The following SATB2 variants were observed in gnomAD, a reference collection of about 807,000 sequenced individuals.
SATB2 encodes DNA-binding protein SATB2.
SATB2 carries 1 observed loss-of-function variant against 73.4 expected under a neutral mutation model. That is an observed-to-expected ratio of 0.01 (90% confidence interval 0.00 to 0.06). The LOEUF (loss-of-function observed/expected upper bound fraction) is 0.06. Among genes scored for constraint, SATB2 ranks in the 10% least tolerant of loss-of-function variants. The pLI, the probability that SATB2 is intolerant of heterozygous loss-of-function variation, is 1.00. For synonymous variants in SATB2, 397 were observed against 367.0 expected (o/e 1.08, Z -0.93); for missense variants, 459 against 945.8 (o/e 0.49, Z 6.75).
chr2:199,322,548 AAGTC>A (rs1407439449), intron 9 of SATB2, among the ~76,000 whole-genome samples: 1 of 152,190 alleles, frequency 6.6e-6, no homozygotes. Flanking sequence ...TGAAGAGAGA[AAGTC>A]AGAGTAATCT....
intron 10 of SATB2, among the ~76,000 whole-genome samples, chr2:199,293,099 C>G (rs1692920784): frequency 6.6e-6 from 1 of 152,042 alleles, no homozygotes; most frequent in Non-Finnish European, 1.5e-5. Flanking sequence ...AATATTGTCC[C>G]CTAATTTTTT....
intron 3 of SATB2, among the ~76,000 whole-genome samples, chr2:199,407,858 A>C (rs2105899423): frequency 6.6e-6 from 1 of 152,270 alleles, no homozygotes; most frequent in East Asian, 1.9e-4. Flanking sequence ...CTGATGGTAA[A>C]AATAAATAAA....
intron 10 of SATB2, among the ~76,000 whole-genome samples, chr2:199,304,129 G>C (rs1447501304): frequency 2.0e-5 from 3 of 152,136 alleles, no homozygotes; most frequent in South Asian, 2.1e-4. Context: ...CATTCCGCTG[G>C]CAACCCTGGC....
chr2:199,449,702 A>G (rs1692069701), intron 2 of SATB2, among the ~76,000 whole-genome samples: 1 of 152,168 alleles, frequency 6.6e-6, no homozygotes, highest in South Asian at 2.1e-4. Context: ...ATTACATTTA[A>G]GTAGTAGGAT....
intron 9 of SATB2, among the ~76,000 whole-genome samples, chr2:199,320,844 G>C (rs7596049): frequency 0.78 from 119,096 of 152,010 alleles, 48,018 homozygotes; most frequent in South Asian, 0.91. Context: ...AGAAATTATT[G>C]TTAACAGCTG....
At chr2:199,461,049 C>T (rs1324138918), upstream of SATB2, among the ~76,000 whole-genome samples, 1 of 152,148 alleles carries the variant, frequency 6.6e-6, no homozygotes, top group African/African-American at 2.4e-5. Context: ...TTTAAAGTTG[C>T]ATTAAACTTA....
At chr2:199,363,992 A>T (rs948077894) in intron 6 of SATB2, among the ~76,000 whole-genome samples, 1 of 152,178 alleles carries the variant, frequency 6.6e-6, no homozygotes, top group Non-Finnish European at 1.5e-5. Flanking sequence ...ACCTCATCAG[A>T]GTTAAACAAC....
intron 2 of SATB2, among the ~76,000 whole-genome samples, chr2:199,451,801 A>G (rs1453919784): frequency 2.0e-5 from 3 of 152,082 alleles, no homozygotes; most frequent in African/African-American, 7.2e-5. Context: ...CCTGACTAAC[A>G]ATCTTGATCA....
At chr2:199,335,124 T>C (rs529672518) in intron 7 of SATB2, among the ~76,000 whole-genome samples, 2 of 152,248 alleles carry the variant, frequency 1.3e-5, no homozygotes, top group Non-Finnish European at 2.9e-5. Flanking sequence ...CAATGACAAT[T>C]TGATTTTTAT....
chr2:199,355,099 T>C (rs1008237988), intron 6 of SATB2, among the ~76,000 whole-genome samples: 3 of 151,842 alleles, frequency 2.0e-5, no homozygotes, highest in Non-Finnish European at 2.9e-5. Context: ...TTAAATAACA[T>C]AAATCCCTGA....
chr2:199,288,926 C>G (rs1219335102), intron 10 of SATB2, among the ~76,000 whole-genome samples: 3 of 152,152 alleles, frequency 2.0e-5, no homozygotes, highest in Admixed American at 2.0e-4. Context: ...AGCAAAGATT[C>G]CTGGTGGCTT....
At chr2:199,409,593 A>G (rs1055165657) in intron 3 of SATB2, among the ~76,000 whole-genome samples, 1 of 152,216 alleles carries the variant, frequency 6.6e-6, no homozygotes, top group Non-Finnish European at 1.5e-5. Flanking sequence ...TATCATGGCT[A>G]AAGTATACTG....
At chr2:199,458,394 A>G, upstream of SATB2, 3 of 344,880 alleles carry the variant, frequency 8.7e-6, no homozygotes, top group South Asian at 6.1e-5. Context: ...CGGCGGTCGG[A>G]GCGGGGTGAC....
chr2:199,348,291 A>C (rs531360797), intron 7 of SATB2: 1 of 155,322 alleles, frequency 6.4e-6, no homozygotes. Context: ...TATAACGTTC[A>C]AAACCAAGGG....
rs775219160 is a variant in SATB2, at chr2:199,328,806, T to C, written c.1278A>G (p.Glu426=). ...RAMQNFLNLP[E]VERDRIYQDE... ...CCTGGTAGATGCGATCTCGCTCCAC[T>C]TCTGGCAGATTGAGGAAATTCTGCA... is the stretch of plus-strand genomic sequence containing the variant. The change falls in exon 8 of 11, where the codon GAA becomes GAG. Residue 426 remains glutamate (E), a synonymous_variant. Coordinates refer to ENST00000417098, the MANE Select transcript of SATB2 (RefSeq NM_001172509.2). 27 of 1,613,944 alleles carry C rather than the reference T, an allele frequency of 1.7e-5. No individual in the cohort carries two copies. The highest frequency in any genetic ancestry group is 2.3e-5 in the Non-Finnish European group (27 of 1,179,958).
chr2:199,462,583 T>G (rs191007358), upstream of SATB2, among the ~76,000 whole-genome samples: 61 of 152,202 alleles, frequency 4.0e-4, 1 homozygote, highest in Non-Finnish European at 4.3e-4. This position sits in a 1 kb window ranked among gnomAD's most constrained non-coding sequence, Gnocchi z 5.9. Context: ...CCTTCCTCGT[T>G]GGCATCAGAG....
chr2:199,388,990 TATA>T (rs771256198), intron 3 of SATB2, among the ~76,000 whole-genome samples: 1 of 152,154 alleles, frequency 6.6e-6, no homozygotes, highest in Non-Finnish European at 1.5e-5. Flanking sequence ...GTCTATCCTA[TATA>T]ATAAGAACAT....
At chr2:199,299,062 C>T (rs528830834) in intron 10 of SATB2, among the ~76,000 whole-genome samples, 3 of 152,208 alleles carry the variant, frequency 2.0e-5, no homozygotes, top group African/African-American at 4.8e-5. Context: ...CATGTACTAA[C>T]GATGAATTAG....
intron 7 of SATB2, among the ~76,000 whole-genome samples, chr2:199,336,333 A>G (rs1335040238): frequency 6.6e-6 from 1 of 152,140 alleles, no homozygotes; most frequent in East Asian, 1.9e-4. Flanking sequence ...TGGCACTATG[A>G]CTATTTCATT....
Sources: allele counts gnomAD v4.1 joint callset (sites outside exome capture counted in the v4.1 genomes callset), GRCh38; gene constraint gnomAD v4.1.1; non-coding constraint Gnocchi (gnomAD v3.1); transcripts MANE v1.5; gene names NCBI Gene and HGNC (gene_info 2026-07-23, HGNC 2026-07-21).